SHROOM2: variants seen among roughly 807,000 people sequenced by gnomAD.
SHROOM2 encodes protein Shroom2.
SHROOM2 carries 33 observed loss-of-function variants against 75.9 expected under a neutral mutation model. That is an observed-to-expected ratio of 0.43 (90% CI 0.33 to 0.58). The LOEUF (loss-of-function observed/expected upper bound fraction) is 0.58. Among genes scored for constraint, SHROOM2 ranks in the 20% least tolerant of loss-of-function variants. SHROOM2 has a pLI of 0.04. For synonymous variants in SHROOM2, 655 were observed against 663.6 expected, an observed-to-expected ratio of 0.99 and a Z score of 0.20; for missense variants, 1,434 against 1,461.2, an observed-to-expected ratio of 0.98 and a Z score of 0.30.
At chrX:9,853,289 C>T in intron 1 of SHROOM2, among the ~76,000 whole-genome samples, 1 of 112,022 alleles carries the variant, frequency 8.9e-6, no homozygotes, top group Middle Eastern at 4.6e-3. Flanking sequence ...CTGGAACATT[C>T]AGTGGCCACA....
At chrX:9,877,005 C>CAA (rs2146799276) in intron 2 of SHROOM2, among the ~76,000 whole-genome samples, 1 of 112,218 alleles carries the variant, frequency 8.9e-6, no homozygotes, top group African/African-American at 3.2e-5. Context: ...CGGATAAACT[C>CAA]CCCTCCCTGT....
intron 2 of SHROOM2, among the ~76,000 whole-genome samples, chrX:9,882,336 TGA>T (rs200947851): frequency 0.054 from 6,010 of 110,746 alleles, 389 homozygotes; most frequent in African/African-American, 0.19. Context: ...TTGAATGTGC[TGA>T]GTTTCTTTGC....
intron 2 of SHROOM2, among the ~76,000 whole-genome samples, chrX:9,887,440 A>G (rs1264283813): frequency 8.9e-6 from 1 of 112,198 alleles, no homozygotes; most frequent in Non-Finnish European, 1.9e-5. Flanking sequence ...TGAGGCCAGG[A>G]GTTTGAGACC....
intron 7 of SHROOM2, among the ~76,000 whole-genome samples, chrX:9,938,771 A>C (rs1204139232): frequency 9.0e-6 from 1 of 110,706 alleles, no homozygotes; most frequent in African/African-American, 3.3e-5. Context: ...GCCAAGGAGG[A>C]GCAGCTGGAC....
chrX:9,853,406 C>G (rs997436429), intron 1 of SHROOM2, among the ~76,000 whole-genome samples: 1 of 112,437 alleles, frequency 8.9e-6, no homozygotes, highest in Non-Finnish European at 1.9e-5. Context: ...AAGCTTAAAG[C>G]AACAGGAATG....
chrX:9,918,293 T>C (rs943798954), intron 5 of SHROOM2, among the ~76,000 whole-genome samples: 2 of 111,972 alleles, frequency 1.8e-5, no homozygotes, highest in Admixed American at 1.9e-4. Flanking sequence ...TCCTAGCCAG[T>C]TTACACTCCT....
At chrX:9,800,748 G>A (rs894140581) in intron 1 of SHROOM2, among the ~76,000 whole-genome samples, 3 of 108,477 alleles carry the variant, frequency 2.8e-5, no homozygotes, top group African/African-American at 6.7e-5. Flanking sequence ...TCTCCTGAGC[G>A]CAAGTGATTC....
intron 6 of SHROOM2, 125 bp from the exon 7 acceptor site, chrX:9,937,009 G>A (rs956535414): frequency 4.0e-5 from 27 of 678,952 alleles, no homozygotes; most frequent in Admixed American, 3.7e-4. Flanking sequence ...AGGCTCCTTC[G>A]AGTTGGGTGG....
intron 1 of SHROOM2, among the ~76,000 whole-genome samples, chrX:9,826,823 T>C (rs2083889864): frequency 8.9e-6 from 1 of 112,527 alleles, no homozygotes; most frequent in Non-Finnish European, 1.9e-5. Flanking sequence ...GATTACTATG[T>C]ACATTCTCAT....
At chrX:9,827,612 T>A (rs1245236432) in intron 1 of SHROOM2, among the ~76,000 whole-genome samples, 1 of 108,304 alleles carries the variant, frequency 9.2e-6, no homozygotes, top group East Asian at 2.9e-4. Flanking sequence ...AGGGAAAAGG[T>A]GTAGTCTGTG....
intron 1 of SHROOM2, among the ~76,000 whole-genome samples, chrX:9,861,512 C>T (rs1478442047): frequency 2.7e-5 from 3 of 111,816 alleles, no homozygotes; most frequent in South Asian, 3.7e-4. Flanking sequence ...CTGATTTCCT[C>T]GTGTTATGAT....
chrX:9,922,147 G>A (rs1169510435), intron 5 of SHROOM2, among the ~76,000 whole-genome samples: 3 of 111,532 alleles, frequency 2.7e-5, no homozygotes, highest in East Asian at 2.8e-4. Flanking sequence ...TTGAATTCCT[G>A]GATTCAAGTG....
intron 1 of SHROOM2, among the ~76,000 whole-genome samples, chrX:9,853,768 T>C (rs2084052607): frequency 8.9e-6 from 1 of 112,160 alleles, no homozygotes; most frequent in African/African-American, 3.2e-5. Flanking sequence ...ACATATCTTT[T>C]TGGGAGACAT....
intron 1 of SHROOM2, among the ~76,000 whole-genome samples, chrX:9,842,193 T>G (rs1027756870): frequency 8.9e-6 from 1 of 112,742 alleles, no homozygotes; most frequent in Admixed American, 9.4e-5. Flanking sequence ...TCATTTCTTT[T>G]AATACTCGTT....
At chrX:9,827,353 G>T (rs2083893434) in intron 1 of SHROOM2, among the ~76,000 whole-genome samples, 1 of 104,759 alleles carries the variant, frequency 9.5e-6, no homozygotes, top group Non-Finnish European at 1.9e-5. Flanking sequence ...CTCCCAGAGT[G>T]GTGGGATTAC....
At chrX:9,921,657 A>AT (rs752960132) in intron 5 of SHROOM2, among the ~76,000 whole-genome samples, 42 of 111,795 alleles carry the variant, frequency 3.8e-4, no homozygotes, top group Admixed American at 1.1e-3. Context: ...CATTCATTCT[A>AT]TTTGAAAGTT....
Position 9,838,566 on chromosome X carries a change from C to T in SHROOM2, c.166-35086C>T, listed in dbSNP as rs185694914. Among the ~76,000 whole-genome samples the T allele has an allele frequency of 8.1e-5, 9 of 111,736 alleles. No homozygotes were observed. The East Asian group carries it at 8.5e-4, about 11-fold the overall frequency. On this transcript the variant is annotated intron_variant, in intron 1 of 9. Coordinates refer to ENST00000380913, the MANE Select transcript of SHROOM2 (RefSeq NM_001649.4). Reference sequence around the variant, plus strand: ...CTGCAGGAAAGTATCTCAGTAGTGACGAACTCATCATAGTATGTCGTATAG... The same window carrying T: ...CTGCAGGAAAGTATCTCAGTAGTGATGAACTCATCATAGTATGTCGTATAG...
intron 1 of SHROOM2, among the ~76,000 whole-genome samples, chrX:9,828,231 G>A (rs1364329857): frequency 4.5e-5 from 5 of 111,957 alleles, no homozygotes; most frequent in Non-Finnish European, 9.4e-5. Flanking sequence ...ACTGCATGGC[G>A]GGGGAATGCC....
chrX:9,786,464 G>T lies in SHROOM2; in HGVS notation c.-82G>T. ...CAAGTTACGGCGCAAGTTCTGCGGC[G>T]CTCGGAGCCTCCCTTGCGATCCCAC... On this transcript the variant is annotated 5_prime_UTR_variant, in exon 1 of 10. Coordinates refer to ENST00000380913, the MANE Select transcript of SHROOM2 (RefSeq NM_001649.4). 6.7e-6 allele frequency: 5 copies of T among 743,911 alleles called. No homozygotes were observed. Among genetic ancestry groups the T allele is most frequent in the Non-Finnish European group, 8.3e-6 (5 of 605,913 alleles). 61.3% of individuals were successfully genotyped at this position (743,911 alleles called of 1,213,427 possible). A position where few individuals can be genotyped will look rare whatever the true frequency, so the allele number is the denominator to read the frequency against.
Sources: gnomAD v4.1 joint callset for allele counts (sites outside exome capture counted in the v4.1 genomes callset) on GRCh38, gnomAD v4.1.1 for gene constraint, MANE v1.5 for transcripts, NCBI Gene and HGNC (gene_info 2026-07-23, HGNC 2026-07-21) for gene names.